The following COL12A1 variants were observed in gnomAD, a reference collection of about 807,000 sequenced individuals.
The protein encoded by COL12A1 is collagen type XII alpha 1 chain.
COL12A1 carries 114 observed loss-of-function variants against 349.7 expected under a neutral mutation model. The ratio of observed to expected loss-of-function variants is 0.33; its 90% CI spans 0.28 to 0.38. COL12A1 has a LOEUF of 0.38. Ranked by LOEUF, COL12A1 falls within the 10% of genes least tolerant of loss-of-function variation. The pLI is 1.00. For missense variants in COL12A1, 3,284 were observed against 3,756.9 expected (o/e 0.87, Z 3.29); for synonymous variants, 1,369 against 1,329.0 (o/e 1.03, Z -0.66).
Position 75,085,675 on chromosome 6 carries a change from T to A in COL12A1, c.*872A>T, listed in dbSNP as rs1350112843. ...AGTAACTAAGTAGGATTTTCGCAAA[T>A]CCCCAAGTAACTGTTTATGCCTTCA... On this transcript the variant is annotated 3_prime_UTR_variant, in exon 66 of 66. Transcript: ENST00000322507. 1 of 248,834 alleles carries A rather than the reference T, an allele frequency of 4.0e-6. No individual in the cohort carries two copies. The highest frequency in any genetic ancestry group is 2.3e-5 in the African/African-American group (1 of 44,436). 15.4% of individuals were successfully genotyped at this position (248,834 alleles called of 1,614,324 possible).
chr6:75,137,590 A>G lies in COL12A1; in HGVS notation c.5252-11T>C, dbSNP rs776225961. 1.2e-6 allele frequency: 2 copies of G among 1,613,520 alleles called. No homozygotes were observed. The highest frequency in any genetic ancestry group is 8.5e-7 in the Non-Finnish European group (1 of 1,179,706). ...GGCCACTTTTGGGAGCTGAAAGAAGATTGTTGAAAAACTGAGTAAGCAGAC... is the reference window on the plus strand; with the variant it reads ...GGCCACTTTTGGGAGCTGAAAGAAGGTTGTTGAAAAACTGAGTAAGCAGAC... On this transcript the variant is annotated splice_polypyrimidine_tract_variant and intron_variant, in intron 30 of 65. Transcript: ENST00000322507.
Position 75,124,278 on chromosome 6 carries a change from C to T in COL12A1, c.6701G>A (p.Arg2234Lys). The T allele has an allele frequency of 1.9e-6, 3 of 1,613,536 alleles. No homozygotes were observed. Among genetic ancestry groups the T allele is most frequent in the Non-Finnish European group, 2.5e-6 (3 of 1,179,772 alleles). ...ACCATCTGCAGGGCTTAGTTTTAGC[C>T]TGTAGGAGGTGGCTGCCCGGTGAGG... is the stretch of plus-strand genomic sequence containing the variant. ...WSPHRAATSY[R>K]LKLSPADGTR... Residue 2234 changes from arginine (R) to lysine (K), a missense_variant, in exon 41 of 66, where the codon AGG (arginine) becomes AAG (lysine). This residue lies in a region of COL12A1 where 2,601 missense variants were observed against 2,824.8 expected (regional missense o/e 0.92). Transcript: ENST00000322507.
Position 75,202,826 on chromosome 6 carries a change from A to G in COL12A1, c.-34T>C, listed in dbSNP as rs373747368. The G allele has an allele frequency of 3.2e-6, 5 of 1,547,330 alleles. No individual in the cohort carries two copies. Among genetic ancestry groups the G allele is most frequent in the Non-Finnish European group, 3.5e-6 (4 of 1,143,108 alleles). ...TCCGAGCTTACAGCGGCATGAAGAGATCTGCGGGAGGAAGTAGTGACTGCA... is the reference window on the plus strand; with the variant it reads ...TCCGAGCTTACAGCGGCATGAAGAGGTCTGCGGGAGGAAGTAGTGACTGCA... On this transcript the variant is annotated splice_region_variant and 5_prime_UTR_variant, in exon 2 of 66. Coordinates refer to ENST00000322507, the MANE Select transcript of COL12A1 (RefSeq NM_004370.6).
rs913812781 is a variant in COL12A1 at position 75,101,414 on chromosome 6, C to T, written c.8523+186G>A. 5.3e-5 allele frequency among the ~76,000 whole-genome samples: 8 copies of T among 152,206 alleles called. 1 individual carries two copies. Among genetic ancestry groups the T allele is most frequent in the Admixed American group, 1.3e-4 (2 of 15,284 alleles). On this transcript the variant is annotated intron_variant, in intron 58 of 65. Transcript: ENST00000322507. ...CAAAGACTCCCCTGGAGTCCCACCA[C>T]TTTATTTCAAAGACCTTGAGATTGA...
At chr6:75,152,578 T>C in intron 17 of COL12A1, 96 bp from the exon 18 acceptor site, 2 of 1,405,754 alleles carry the variant, frequency 1.4e-6, no homozygotes, top group Non-Finnish European at 2.0e-6. Context: ...TCCTCAGTGT[T>C]GCCTGTCTCA....
intron 15 of COL12A1, among the ~76,000 whole-genome samples, 168 bp from the exon 16 acceptor site, chr6:75,156,022 G>A (rs1225114037): frequency 6.6e-6 from 1 of 152,164 alleles, no homozygotes; most frequent in African/African-American, 2.4e-5. Context: ...CTAAGTAGAA[G>A]TGTAAATAAT....
chr6:75,151,827 T>C, intron 20 of COL12A1, 40 bp downstream of exon 20: 2 of 1,576,948 alleles, frequency 1.3e-6, no homozygotes, highest in African/African-American at 2.7e-5. Context: ...CTCAGCACAT[T>C]TGTAACCCCA....
At chr6:75,194,616 A>T (rs1770124532) in intron 3 of COL12A1, among the ~76,000 whole-genome samples, 1 of 152,196 alleles carries the variant, frequency 6.6e-6, no homozygotes, top group Non-Finnish European at 1.5e-5. Context: ...ACAACCTACC[A>T]CAGCAAAACA....
intron 14 of COL12A1, among the ~76,000 whole-genome samples, chr6:75,159,534 T>C (rs1312326233): frequency 6.6e-6 from 1 of 150,500 alleles, no homozygotes; most frequent in African/African-American, 2.4e-5. Flanking sequence ...GAAAGAATAG[T>C]ATATAGAAAA....
intron 58 of COL12A1, among the ~76,000 whole-genome samples, chr6:75,100,593 C>G (rs544548448): frequency 6.6e-6 from 1 of 152,304 alleles, no homozygotes; most frequent in East Asian, 1.9e-4. Flanking sequence ...TGACCTCTCT[C>G]TTTTCTCTCC....
intron 14 of COL12A1, among the ~76,000 whole-genome samples, chr6:75,160,440 C>T (rs991599327): frequency 3.9e-5 from 6 of 152,138 alleles, no homozygotes; most frequent in Non-Finnish European, 8.8e-5. Flanking sequence ...AGCATGGGCT[C>T]GGGTTTCTGC....
At chr6:75,190,219 A>G (rs1297523663) in intron 5 of COL12A1, among the ~76,000 whole-genome samples, 1 of 151,984 alleles carries the variant, frequency 6.6e-6, no homozygotes, top group Non-Finnish European at 1.5e-5. Context: ...AAGAAATATA[A>G]GCAAAGGGTT....
At position 75,125,217 on chromosome 6, in the gene COL12A1, T is replaced by A. The variant is rs200774148; in HGVS notation, c.6517A>T (p.Asn2173Tyr). 3.7e-6 allele frequency: 6 copies of A among 1,612,104 alleles called. No homozygotes were observed. In the South Asian group the frequency reaches 6.6e-5, roughly 18 times the overall value. Residue 2173 changes from asparagine (N) to tyrosine (Y), a missense_variant, in exon 40 of 66, where the codon AAT becomes TAT. Asn to Tyr is a moderately radical substitution (Grantham distance 143). Transcript: ENST00000322507. The stretch of plus-strand genomic sequence containing the variant: ...TCGTAGGTGGTGCTGGGATTGAGAT[T>A]GTGTAAGGTATATGATGTCATTTCT... ...VGEMTSYTLH[N>Y]LNPSTTYDVN...
At chr6:75,181,955 G>T (rs1323220938) in intron 10 of COL12A1, among the ~76,000 whole-genome samples, 2 of 150,424 alleles carry the variant, frequency 1.3e-5, no homozygotes, top group East Asian at 3.9e-4. Context: ...AATTAGCCAG[G>T]CGTGGTGGCA....
Position 75,175,299 on chromosome 6 carries a change from G to A in COL12A1, c.2449C>T (p.Pro817Ser). ...GGGTCAGAAACTCTTAAGTCTCTTG[G>A]ATTCCCTCTAACTTCATTAAAAAAT... ...NAATEEVRGN[P>S]RDLRVSDPTT... Residue 817 changes from proline to serine, a missense_variant, in exon 13 of 66, where the codon CCA (proline) becomes TCA (serine). Pro to Ser is a moderately conservative substitution (Grantham distance 74, BLOSUM62 -1). Transcript: ENST00000322507. 3 of 1,613,722 alleles carry A rather than the reference G, an allele frequency of 1.9e-6. No individual in the cohort carries two copies. The highest frequency in any genetic ancestry group is 2.5e-6 in the Non-Finnish European group (3 of 1,179,832).
Position 75,165,570 on chromosome 6 carries a change from A to C in COL12A1, c.2920T>G (p.Ser974Ala). The C allele has an allele frequency of 6.2e-7, 1 of 1,613,946 alleles. No homozygotes were observed. The highest frequency in any genetic ancestry group is 8.5e-7 in the Non-Finnish European group (1 of 1,179,890). The change falls in exon 14 of 66, where the codon TCA (serine) becomes GCA (alanine). Residue 974 changes from serine to alanine, a missense_variant. Around this residue, in one of 2 missense-constraint regions of COL12A1, gnomAD observed 2,601 missense variants for 2,824.8 expected, o/e 0.92. Transcript: ENST00000322507. ...CCACTGCTGTAAGTGGCAAATACTGAAATTCTGTATTTGGTCTCTGGCTGC... is the reference window on the plus strand; with the variant it reads ...CCACTGCTGTAAGTGGCAAATACTGCAATTCTGTATTTGGTCTCTGGCTGC... Reference protein sequence around the residue: ...NLQPETKYRISVFATYSSGEG... With the variant: ...NLQPETKYRIAVFATYSSGEG...
chr6:75,091,606 G>A, intron 60 of COL12A1, 81 bp from the exon 61 acceptor site: 43 of 1,349,366 alleles, frequency 3.2e-5, no homozygotes, highest in Non-Finnish European at 4.5e-5. Flanking sequence ...TGATGAACGA[G>A]AACAAGTTCT....
At chr6:75,115,755 A>G (rs2149361181) in intron 49 of COL12A1, 29 bp downstream of exon 49, 3 of 1,569,436 alleles carry the variant, frequency 1.9e-6, no homozygotes, top group Non-Finnish European at 2.6e-6. Flanking sequence ...GGTCTTAAGA[A>G]AAGGAAAACC....
intron 58 of COL12A1, among the ~76,000 whole-genome samples, chr6:75,098,614 G>T (rs112113186): frequency 2.6e-5 from 4 of 152,092 alleles, no homozygotes; most frequent in African/African-American, 9.7e-5. Context: ...AGCTGTGATC[G>T]CACCACTGCA....
Sources: gnomAD v4.1 joint callset for allele counts (sites outside exome capture counted in the v4.1 genomes callset) on GRCh38, gnomAD v4.1.1 for gene constraint, gnomAD v4.1.1 regional missense constraint, MANE v1.5 for transcripts, NCBI Gene and HGNC (gene_info 2026-07-23, HGNC 2026-07-21) for gene names.